Variants in IRAG2 observed in about 807,000 individuals in gnomAD.
IRAG2 encodes inositol 1,4,5-triphosphate receptor associated 2, also known as lymphoid restricted membrane protein.
In IRAG2, 45 loss-of-function variants were observed where a neutral mutation model predicts 69.9. The ratio of observed to expected loss-of-function variants is 0.64; its 90% CI spans 0.51 to 0.83. The LOEUF (loss-of-function observed/expected upper bound fraction) is 0.83. IRAG2 is among the 40% of genes least tolerant of loss of function. The probability of loss-of-function intolerance (pLI) is 0.00; values close to 1 mark genes in which losing one functional copy is unlikely to be tolerated. For missense variants in IRAG2, 520 were observed against 587.0 expected, an observed-to-expected ratio of 0.89 and a Z score of 1.18; for synonymous variants, 193 against 202.4, an observed-to-expected ratio of 0.95 and a Z score of 0.40.
chr12:25,016,650 C>G (rs1030820468), intron 5 of IRAG2, among the ~76,000 whole-genome samples: 2 of 151,898 alleles, frequency 1.3e-5, no homozygotes, highest in Admixed American at 6.6e-5. Context: ...GTAGTCCCAG[C>G]TACTCTGGAG....
chr12:25,075,521 C>CGTGTGTGTGTGT (rs747046833), intron 6 of IRAG2, among the ~76,000 whole-genome samples: 89 of 139,364 alleles, frequency 6.4e-4, no homozygotes, highest in East Asian at 8.7e-4. Context: ...TGTGTGTATG[C>CGTGTGTGTGTGT]GTGTGTGTGT....
chr12:25,047,640 T>TGTG (rs1354886625), upstream of IRAG2, among the ~76,000 whole-genome samples: 3 of 152,202 alleles, frequency 2.0e-5, no homozygotes, highest in Admixed American at 2.0e-4. Context: ...GCTTCCAGTG[T>TGTG]GTGGTGTTCC....
chr12:25,085,755 C>CCCTAACCCTAACCCTAACCCTA (rs1565573313), intron 10 of IRAG2, among the ~76,000 whole-genome samples: 2 of 152,222 alleles, frequency 1.3e-5, no homozygotes, highest in African/African-American at 4.8e-5. Flanking sequence ...ATCACTAACA[C>CCCTAACCCTAACCCTAACCCTA]ATCCTCTTAT....
chr12:25,032,748 GCTT>G (rs781539501), intron 12 of IRAG2, among the ~76,000 whole-genome samples: 143 of 152,096 alleles, frequency 9.4e-4, no homozygotes, highest in Non-Finnish European at 1.6e-3. Flanking sequence ...TAACTCTTTG[GCTT>G]CTTCTTATAA....
At chr12:25,015,155 GTT>G (rs11352951) in intron 3 of IRAG2, 40,808 of 865,898 alleles carry the variant, frequency 0.047, no homozygotes, top group East Asian at 0.073. Flanking sequence ...CACTGGTTTT[GTT>G]TTTTTTTTTT....
chr12:25,058,203 C>T (rs1344566291), intron 1 of IRAG2, among the ~76,000 whole-genome samples: 4 of 152,160 alleles, frequency 2.6e-5, no homozygotes, highest in African/African-American at 7.2e-5. Flanking sequence ...TAGCATTTCA[C>T]GCTCCCACCA....
At chr12:25,010,707 G>A (rs1944467520) in intron 2 of IRAG2, among the ~76,000 whole-genome samples, 3 of 151,852 alleles carry the variant, frequency 2.0e-5, no homozygotes, top group African/African-American at 7.3e-5. Flanking sequence ...CTTCTCTGTG[G>A]CATCTGCCCT....
chr12:25,053,819 GC>G, intron 1 of IRAG2, among the ~76,000 whole-genome samples: 1 of 150,934 alleles, frequency 6.6e-6, no homozygotes, highest in East Asian at 1.9e-4. Flanking sequence ...TAATATATAA[GC>G]TTAAGGTAGG....
At chr12:25,094,772 C>T (rs11832421) in intron 14 of IRAG2, among the ~76,000 whole-genome samples, 69,755 of 151,816 alleles carry the variant, frequency 0.46, 17,800 homozygotes, top group East Asian at 0.8. Context: ...TTGTGGTTTT[C>T]GGTGTACATC....
intron 9 of IRAG2, among the ~76,000 whole-genome samples, chr12:25,028,907 G>A (rs1944646601): frequency 6.6e-6 from 1 of 152,114 alleles, no homozygotes; most frequent in South Asian, 2.1e-4. Flanking sequence ...CAGTTAATTT[G>A]TGAATTTAAA....
chr12:25,055,578 G>C (rs1413082213), intron 1 of IRAG2, among the ~76,000 whole-genome samples: 1 of 152,082 alleles, frequency 6.6e-6, no homozygotes, highest in African/African-American at 2.4e-5. Flanking sequence ...ATTTACATTA[G>C]GTATTTCTCC....
At chr12:25,090,824 G>T (rs1254063332) in intron 14 of IRAG2, 1 of 453,552 alleles carries the variant, frequency 2.2e-6, no homozygotes, top group Non-Finnish European at 4.4e-6. Flanking sequence ...AGGCAGAAAA[G>T]GAATCATACA....
chr12:25,096,828 C>A, intron 14 of IRAG2, 82 bp from the exon 15 acceptor site: 5 of 1,070,690 alleles, frequency 4.7e-6, no homozygotes, highest in Non-Finnish European at 5.3e-6. Context: ...GAATGTCATC[C>A]ACATTTGCAA....
intron 6 of IRAG2, among the ~76,000 whole-genome samples, chr12:25,070,404 A>T (rs913902124): frequency 2.6e-5 from 4 of 152,204 alleles, no homozygotes; most frequent in African/African-American, 4.8e-5. Context: ...CTTTCAGTTA[A>T]GGTTCTCAAG....
At chr12:25,102,806 A>G (rs996828186) in intron 17 of IRAG2, 3 of 152,388 alleles carry the variant, frequency 2.0e-5, no homozygotes, top group African/African-American at 7.2e-5. Context: ...GCTAAAAATC[A>G]GGAGGCTTAT....
intron 10 of IRAG2, chr12:25,030,915 C>T (rs1944663228): frequency 1.8e-6 from 1 of 550,664 alleles, no homozygotes; most frequent in Admixed American, 6.4e-5. Flanking sequence ...GAATATATAC[C>T]CAAATTATTT....
At position 25,073,132 on chromosome 12, in the gene IRAG2, C is replaced by G. The variant is rs919519561; in HGVS notation, c.24+3701C>G. On this transcript the variant is annotated intron_variant, in intron 6 of 21. Transcript: ENST00000556887. ...CCTGTTTCCTCATTTCTCAATGATC[C>G]AACTCAGAAAAAAACTAAGCTCACT... Among the ~76,000 whole-genome samples, 5 of 152,178 alleles carry G rather than the reference C, an allele frequency of 3.3e-5. No homozygotes were observed. In the East Asian group the frequency reaches 5.8e-4, roughly 18 times the overall value.
At chr12:25,012,118 GTCT>G (rs1944479691) in intron 3 of IRAG2, among the ~76,000 whole-genome samples, 1 of 137,010 alleles carries the variant, frequency 7.3e-6, no homozygotes, top group Admixed American at 7.4e-5. Context: ...GGAGATGTGT[GTCT>G]TCTTCCACAG....
intron 5 of IRAG2, among the ~76,000 whole-genome samples, chr12:25,068,001 C>T (rs1019204017): frequency 1.3e-5 from 2 of 152,086 alleles, no homozygotes; most frequent in Admixed American, 6.6e-5. Flanking sequence ...CCACCATGCC[C>T]AGCTGATTTT....
Sources: gnomAD v4.1 joint callset for allele counts (sites outside exome capture counted in the v4.1 genomes callset) on GRCh38, gnomAD v4.1.1 for gene constraint, MANE v1.5 for transcripts, NCBI Gene and HGNC (gene_info 2026-07-23, HGNC 2026-07-21) for gene names.